The following GPR158 variants were observed in gnomAD, a reference collection of about 807,000 sequenced individuals.
GPR158 encodes the protein G protein-coupled receptor 158, also known as metabotropic glycine receptor.
GPR158 carries 30 observed loss-of-function variants against 78.2 expected under a neutral mutation model. That is an observed-to-expected ratio of 0.38 (90% CI 0.29 to 0.52). The LOEUF (loss-of-function observed/expected upper bound fraction) is 0.52. GPR158 is among the 20% of genes least tolerant of loss of function. The pLI, the probability that GPR158 is intolerant of heterozygous loss-of-function variation, is 0.83. For missense variants in GPR158, 1,463 were observed against 1,523.5 expected (o/e 0.96, Z 0.66); for synonymous variants, 581 against 591.1 (o/e 0.98, Z 0.25).
intron 1 of GPR158, among the ~76,000 whole-genome samples, chr10:25,186,099 G>T (rs547111791): frequency 6.6e-6 from 1 of 152,298 alleles, no homozygotes; most frequent in African/African-American, 2.4e-5. Context: ...CATGGAAACT[G>T]AACAACCTGC....
rs185995594 is a variant in GPR158 at position 25,262,602 on chromosome 10, A to G, written c.1008+41445A>G. ...AGAGCAATTCCAGGTTCAAACCAAA[A>G]TGAGTGGAAAGTATGGAGTTCCTAT... On this transcript the variant is annotated intron_variant, in intron 2 of 10. Coordinates refer to ENST00000376351, the MANE Select transcript of GPR158 (RefSeq NM_020752.3). Among the ~76,000 whole-genome samples the G allele has an allele frequency of 1.2e-3, 179 of 152,276 alleles. 2 individuals carry two copies. In the East Asian group the frequency reaches 0.025, roughly 22 times the overall value.
intron 2 of GPR158, among the ~76,000 whole-genome samples, chr10:25,289,218 T>G (rs183064731): frequency 6.6e-5 from 10 of 152,302 alleles, no homozygotes; most frequent in Non-Finnish European, 1.2e-4. Flanking sequence ...CAAAGTTGAA[T>G]AGGAGATAGC....
chr10:25,555,205 G>A (rs941909868), intron 6 of GPR158, among the ~76,000 whole-genome samples: 1 of 152,132 alleles, frequency 6.6e-6, no homozygotes, highest in East Asian at 1.9e-4. Flanking sequence ...GGCGATGTGG[G>A]CTCTTTTTTG....
At chr10:25,357,933 G>A (rs910884151) in intron 2 of GPR158, among the ~76,000 whole-genome samples, 10 of 152,214 alleles carry the variant, frequency 6.6e-5, no homozygotes, top group African/African-American at 2.4e-4. Flanking sequence ...GAAAGCAGCT[G>A]GGAGGGAGGC....
rs755327890 is a variant in GPR158 at position 25,412,339 on chromosome 10, T to A, written c.1201T>A (p.Phe401Ile). 6 of 1,613,564 alleles carry A rather than the reference T, an allele frequency of 3.7e-6. No homozygotes were observed. In the East Asian group the frequency reaches 1.3e-4, roughly 36 times the overall value. Residue 401 changes from phenylalanine (F) to isoleucine (I), a missense_variant, in exon 4 of 11, where the codon TTC becomes ATC. Coordinates refer to ENST00000376351, the MANE Select transcript of GPR158 (RefSeq NM_020752.3). ...CCTACCTTGCAGGGAGGGCTGCCCC[T>A]TCTGTGCTGATGACAGCCCATGCTT... Reference protein sequence around the residue: ...VCLPCREGCPFCADDSPCFVQ... With the variant: ...VCLPCREGCPICADDSPCFVQ...
At chr10:25,419,799 A>G (rs1316676809) in intron 4 of GPR158, among the ~76,000 whole-genome samples, 4 of 152,100 alleles carry the variant, frequency 2.6e-5, no homozygotes, top group African/African-American at 7.2e-5. Context: ...AGCCATTTAT[A>G]TATCTTCTTT....
At chr10:25,350,808 C>T (rs1399990944) in intron 2 of GPR158, among the ~76,000 whole-genome samples, 5 of 151,956 alleles carry the variant, frequency 3.3e-5, no homozygotes, top group Non-Finnish European at 5.9e-5. Context: ...TTTCTTTCCT[C>T]GACCTCCTAT....
chr10:25,285,157 A>G (rs1488513627), intron 2 of GPR158, among the ~76,000 whole-genome samples: 1 of 151,638 alleles, frequency 6.6e-6, no homozygotes, highest in Non-Finnish European at 1.5e-5. Flanking sequence ...AACTCTTTTA[A>G]TATTGTTTTT....
chr10:25,205,655 G>T (rs1853015622), intron 1 of GPR158, among the ~76,000 whole-genome samples: 1 of 152,006 alleles, frequency 6.6e-6, no homozygotes, highest in Non-Finnish European at 1.5e-5. Flanking sequence ...ATTTCTTGAT[G>T]TCTGCCCTAA....
At chr10:25,585,041 A>G (rs1837248442) in intron 7 of GPR158, among the ~76,000 whole-genome samples, 1 of 152,358 alleles carries the variant, frequency 6.6e-6, no homozygotes, top group Non-Finnish European at 1.5e-5. Context: ...AGGTTACAAA[A>G]CCAATCAGCT....
At chr10:25,228,754 G>A (rs966676371) in intron 2 of GPR158, among the ~76,000 whole-genome samples, 11 of 152,096 alleles carry the variant, frequency 7.2e-5, no homozygotes, top group African/African-American at 1.4e-4. Context: ...TTTGTAGGCC[G>A]GGCGTGGTGG....
At chr10:25,460,436 C>T (rs1270608485) in intron 4 of GPR158, among the ~76,000 whole-genome samples, 1 of 152,128 alleles carries the variant, frequency 6.6e-6, no homozygotes. Flanking sequence ...CTCAATTGAT[C>T]CGCCCACCTC....
At chr10:25,370,297 G>A (rs1195937331) in intron 2 of GPR158, among the ~76,000 whole-genome samples, 9 of 147,394 alleles carry the variant, frequency 6.1e-5, no homozygotes, top group Admixed American at 2.0e-4. Flanking sequence ...TTTCTCTTGT[G>A]GGCATTTAGT....
chr10:25,338,491 A>T (rs577657958), intron 2 of GPR158, among the ~76,000 whole-genome samples: 90 of 135,220 alleles, frequency 6.7e-4, no homozygotes, highest in African/African-American at 2.4e-3. Context: ...TATACGTATA[A>T]TATACGTATA....
At chr10:25,444,389 TGGG>T (rs1230220512) in intron 4 of GPR158, among the ~76,000 whole-genome samples, 1 of 150,316 alleles carries the variant, frequency 6.7e-6, no homozygotes, top group Non-Finnish European at 1.5e-5. Context: ...TAGGTGTGTA[TGGG>T]GGTGTCGTGT....
rs760398849 is a variant in GPR158, at chr10:25,596,771, G to A, written c.2127G>A (p.Leu709=). Reference sequence around the variant, plus strand: ...ATTCAGCCTGGAGTGAGCACAGCTTGGATCCAGAGGACATTCGGGTAATGC... The same window carrying A: ...ATTCAGCCTGGAGTGAGCACAGCTTAGATCCAGAGGACATTCGGGTAATGC... The part of the protein sequence containing the change: ...SINSAWSEHS[L]DPEDIRDELK... Residue 709 remains leucine, a synonymous_variant, in exon 10 of 11, where the codon TTG becomes TTA. Transcript: ENST00000376351. The A allele has an allele frequency of 6.2e-7, 1 of 1,613,330 alleles. No individual in the cohort carries two copies. The highest frequency in any genetic ancestry group is 8.5e-7 in the Non-Finnish European group (1 of 1,179,580).
intron 2 of GPR158, among the ~76,000 whole-genome samples, chr10:25,241,041 T>C (rs1853597417): frequency 6.6e-6 from 1 of 152,174 alleles, no homozygotes; most frequent in Non-Finnish European, 1.5e-5. Context: ...CTACTTTTGG[T>C]TCTAAGGAAA....
chr10:25,525,349 C>A (rs1052775129), intron 5 of GPR158, among the ~76,000 whole-genome samples: 5 of 152,158 alleles, frequency 3.3e-5, no homozygotes, highest in African/African-American at 1.2e-4. Context: ...CTACATAATT[C>A]ATAATAGCTC....
At chr10:25,549,078 A>G (rs569045585) in intron 5 of GPR158, among the ~76,000 whole-genome samples, 1 of 152,270 alleles carries the variant, frequency 6.6e-6, no homozygotes, top group African/African-American at 2.4e-5. Context: ...AGGATTTTGC[A>G]GCTCCCAAGA....
Sources: gnomAD v4.1 joint callset for allele counts (sites outside exome capture counted in the v4.1 genomes callset) on GRCh38, gnomAD v4.1.1 for gene constraint, MANE v1.5 for transcripts, NCBI Gene and HGNC (gene_info 2026-07-23, HGNC 2026-07-21) for gene names.